The following RBFOX1 variants were observed in gnomAD, a reference collection of about 807,000 sequenced individuals.
The protein encoded by RBFOX1 is RNA binding fox-1 homolog 1.
Under a neutral mutation model 57.7 loss-of-function variants are expected in RBFOX1, and 8 were observed. That is an observed-to-expected ratio of 0.14 (90% CI 0.08 to 0.25). The LOEUF (loss-of-function observed/expected upper bound fraction) is 0.25, where lower values mean the gene tolerates loss of function less well. Among genes scored for constraint, RBFOX1 ranks in the 10% least tolerant of loss-of-function variants. The pLI, the probability that RBFOX1 is intolerant of heterozygous loss-of-function variation, is 1.00. For missense variants in RBFOX1, 611 were observed against 548.5 expected (o/e 1.11, Z -1.14); for synonymous variants, 326 against 222.4 (o/e 1.47, Z -4.15).
At chr16:6,488,057 C>G (rs2095545350) in intron 2 of RBFOX1, among the ~76,000 whole-genome samples, 1 of 152,062 alleles carries the variant, frequency 6.6e-6, no homozygotes, top group Non-Finnish European at 1.5e-5. Flanking sequence ...CGCTTTCAAT[C>G]CAATACAGAA....
intron 3 of RBFOX1, among the ~76,000 whole-genome samples, chr16:6,859,165 GTA>G (rs749806270): frequency 0.044 from 2,366 of 54,004 alleles, 65 homozygotes; most frequent in Non-Finnish European, 0.06. Flanking sequence ...ATATATATAC[GTA>G]TATATATGTA....
intron 4 of RBFOX1, among the ~76,000 whole-genome samples, chr16:5,908,303 C>T (rs149861906): frequency 0.17 from 12,066 of 69,422 alleles, 1,713 homozygotes; most frequent in African/African-American, 0.42. Flanking sequence ...TATATATATA[C>T]ACACATATAT....
At chr16:7,111,078 A>G (rs185357748) in intron 4 of RBFOX1, among the ~76,000 whole-genome samples, 1 of 152,336 alleles carries the variant, frequency 6.6e-6, no homozygotes, top group East Asian at 1.9e-4. Context: ...GAAAAGCCAA[A>G]TAACTGTGGT....
At chr16:5,519,781 G>A (rs2151741578) in intron 2 of RBFOX1, among the ~76,000 whole-genome samples, 1 of 152,276 alleles carries the variant, frequency 6.6e-6, no homozygotes, top group Non-Finnish European at 1.5e-5. Context: ...AGACAGCCTG[G>A]GCGACTTGTT....
chr16:7,163,406 A>T (rs183766386), intron 4 of RBFOX1, among the ~76,000 whole-genome samples: 1 of 152,104 alleles, frequency 6.6e-6, no homozygotes, highest in Admixed American at 6.5e-5. Flanking sequence ...AATTTCATCA[A>T]TGTGTATGAA....
chr16:5,825,550 T>C (rs2056007845), intron 3 of RBFOX1, among the ~76,000 whole-genome samples: 1 of 152,206 alleles, frequency 6.6e-6, no homozygotes, highest in African/African-American at 2.4e-5. Context: ...TCTCAGTGCA[T>C]TTTTTATGGT....
chr16:5,486,517 G>A (rs971972071), intron 2 of RBFOX1, among the ~76,000 whole-genome samples: 4 of 152,206 alleles, frequency 2.6e-5, no homozygotes, highest in African/African-American at 9.6e-5. Flanking sequence ...AAGAAGGTCT[G>A]TGCAGTGACA....
At chr16:5,919,037 A>G (rs546494146) in intron 4 of RBFOX1, among the ~76,000 whole-genome samples, 20 of 152,194 alleles carry the variant, frequency 1.3e-4, no homozygotes, top group Admixed American at 2.6e-4. Context: ...GGAAGGAATC[A>G]TATATCCACG....
At chr16:6,329,882 G>A (rs1268960388) in intron 2 of RBFOX1, among the ~76,000 whole-genome samples, 2 of 152,194 alleles carry the variant, frequency 1.3e-5, no homozygotes, top group African/African-American at 4.8e-5. Flanking sequence ...AGGTTGCAGT[G>A]AGCCCAGATC....
intron 4 of RBFOX1, among the ~76,000 whole-genome samples, chr16:7,122,539 A>G (rs1262441929): frequency 6.6e-6 from 1 of 152,206 alleles, no homozygotes; most frequent in Non-Finnish European, 1.5e-5. Flanking sequence ...AACACCTAGT[A>G]GAGGCATAAG....
intron 2 of RBFOX1, among the ~76,000 whole-genome samples, chr16:6,617,688 T>C (rs1383893385): frequency 6.6e-6 from 1 of 152,094 alleles, no homozygotes; most frequent in African/African-American, 2.4e-5. Context: ...GCCTGCAGTC[T>C]TGTGGAGGGA....
chr16:6,437,152 G>C (rs867071698), intron 2 of RBFOX1, among the ~76,000 whole-genome samples: 14 of 152,134 alleles, frequency 9.2e-5, no homozygotes, highest in African/African-American at 3.1e-4. Flanking sequence ...AGGAGAAGAA[G>C]ATCTATCACC....
intron 4 of RBFOX1, among the ~76,000 whole-genome samples, chr16:7,100,480 C>G (rs1464452943): frequency 6.6e-6 from 1 of 151,340 alleles, no homozygotes; most frequent in African/African-American, 2.4e-5. Context: ...CAGAATCATA[C>G]TATAAACATA....
At chr16:7,709,234 G>A (rs907121025) in intron 15 of RBFOX1, 103 bp downstream of exon 15, 2 of 1,176,004 alleles carry the variant, frequency 1.7e-6, no homozygotes, top group South Asian at 1.5e-5. Flanking sequence ...CCCGTTAATT[G>A]AATTTGTCTC....
chr16:7,509,423 TG>T (rs1289962097), intron 4 of RBFOX1, among the ~76,000 whole-genome samples: 65 of 151,028 alleles, frequency 4.3e-4, no homozygotes, highest in African/African-American at 1.5e-3. Flanking sequence ...TGTGTGTGTG[TG>T]TGTGTGTCTG....
At chr16:7,291,399 G>A (rs1324746849) in intron 4 of RBFOX1, among the ~76,000 whole-genome samples, 1 of 152,068 alleles carries the variant, frequency 6.6e-6, no homozygotes, top group East Asian at 1.9e-4. Flanking sequence ...TAAAAATCTA[G>A]GCTAAATAAA....
At chr16:6,185,121 A>G (rs2097096840) in intron 1 of RBFOX1, among the ~76,000 whole-genome samples, 1 of 152,118 alleles carries the variant, frequency 6.6e-6, no homozygotes, top group South Asian at 2.1e-4. Flanking sequence ...CTTCTTATGG[A>G]TGGCATTAGA....
intron 2 of RBFOX1, among the ~76,000 whole-genome samples, chr16:6,645,588 G>C (rs776398268): frequency 1.1e-4 from 16 of 152,140 alleles, no homozygotes; most frequent in South Asian, 2.1e-4. Flanking sequence ...AGAGAGAACT[G>C]CTTCTGAAAA....
chr16:6,792,132 A>G (rs2083089678), intron 3 of RBFOX1, among the ~76,000 whole-genome samples: 1 of 152,194 alleles, frequency 6.6e-6, no homozygotes, highest in South Asian at 2.1e-4. Flanking sequence ...AAATAGAAAA[A>G]AATTGAAACA....
Sources: gnomAD v4.1 joint callset for allele counts (sites outside exome capture counted in the v4.1 genomes callset) on GRCh38, gnomAD v4.1.1 for gene constraint, MANE v1.5 for transcripts, NCBI Gene and HGNC (gene_info 2026-07-23, HGNC 2026-07-21) for gene names.